GALNT3: variants seen among roughly 807,000 people sequenced by gnomAD.
GALNT3 encodes the protein GalNAc transferase 3.
A neutral mutation model predicts 69.8 loss-of-function variants in GALNT3; 51 were observed. The ratio of observed to expected loss-of-function variants is 0.73; its 90% CI spans 0.58 to 0.92. The LOEUF is 0.92. Ranked by LOEUF, GALNT3 falls within the 40% of genes least tolerant of loss-of-function variation. The pLI, the probability that GALNT3 is intolerant of heterozygous loss-of-function variation, is 0.00. For synonymous variants in GALNT3, 265 were observed against 248.5 expected (o/e 1.07, Z -0.63); for missense variants, 711 against 760.0 (o/e 0.94, Z 0.76).
intron 9 of GALNT3, among the ~76,000 whole-genome samples, chr2:165,753,754 T>A (rs1369877191): frequency 2.6e-5 from 4 of 152,234 alleles, no homozygotes; most frequent in Non-Finnish European, 1.5e-5. Context: ...ATATTTGACA[T>A]GTGAATCTTA....
At chr2:165,770,113 T>A in intron 2 of GALNT3, 73 bp downstream of exon 2, 1 of 1,563,052 alleles carries the variant, frequency 6.4e-7, no homozygotes. Context: ...AACAGATAAC[T>A]TCCTTAGCTC....
At chr2:165,763,846 A>C (rs904334929) in intron 3 of GALNT3, among the ~76,000 whole-genome samples, 5 of 152,124 alleles carry the variant, frequency 3.3e-5, no homozygotes, top group African/African-American at 1.2e-4. Context: ...CCCTGATTTC[A>C]CTTTATGGCA....
Position 165,765,033 on chromosome 2 carries a change from C to A in GALNT3, c.539G>T (p.Arg180Leu), listed in dbSNP as rs772410242. 15 of 1,613,930 alleles carry A rather than the reference C, an allele frequency of 9.3e-6. No individual in the cohort carries two copies. In the East Asian group the frequency reaches 2.0e-4, roughly 22 times the overall value. ...PPECIEQKFK[R>L]CPPLPTTSVI... ...ACTGGTGGTGGGCAGGGGAGGGCAG[C>A]GCTTAAATTTTTGTTCAATACATCT... is the stretch of plus-strand genomic sequence containing the variant. Residue 180 changes from arginine to leucine, a missense_variant, in exon 3 of 11, where the codon CGC becomes CTC. Arg to Leu is a moderately radical substitution (Grantham distance 102, BLOSUM62 -2). Coordinates refer to ENST00000392701, the MANE Select transcript of GALNT3 (RefSeq NM_004482.4).
chr2:165,769,989 C>T, intron 2 of GALNT3, 197 bp downstream of exon 2: 1 of 654,794 alleles, frequency 1.5e-6, no homozygotes, highest in Non-Finnish European at 2.7e-6. Flanking sequence ...CATATCTGCA[C>T]TGCCTCACCA....
In GALNT3 at chr2:165,770,535, T is replaced by A. The variant is rs779573886; in HGVS notation, c.166A>T (p.Met56Leu). The change falls in exon 2 of 11, where the codon ATG (methionine) becomes TTG (leucine). Residue 56 changes from methionine (M) to leucine (L), a missense_variant. Coordinates refer to ENST00000392701, the MANE Select transcript of GALNT3 (RefSeq NM_004482.4). ...SKEESRMERN[M>L]KNKNKMLDLM... ...TCCAACATCTTGTTTTTGTTTTTCA[T>A]GTTCCTTTCCATCCTTGATTCCTCT... 5 of 1,614,042 alleles carry A rather than the reference T, an allele frequency of 3.1e-6. No homozygotes were observed. Among genetic ancestry groups the A allele is most frequent in the Admixed American group, 1.7e-5 (1 of 60,002 alleles).
At chr2:165,769,639 C>A (rs1053668549) in intron 2 of GALNT3, among the ~76,000 whole-genome samples, 5 of 151,914 alleles carry the variant, frequency 3.3e-5, no homozygotes, top group African/African-American at 1.2e-4. Flanking sequence ...CCTGTAATCC[C>A]AGCTACTTGG....
rs71393694 is a variant in GALNT3, at chr2:165,761,617, GA to G, written c.838+287del. On this transcript the variant is annotated intron_variant, in intron 4 of 10. Transcript: ENST00000392701. ...TTTTTTTTAACAGAAAAGAAACATG[GA>G]AAAAAAAAAAAGAGGCAAGGATAAC... is the stretch of plus-strand genomic sequence containing the variant. The G allele has an allele frequency of 0.019, 9,988 of 528,752 alleles. 9 individuals are homozygous for G. The highest frequency in any genetic ancestry group is 0.024 in the African/African-American group (1,194 of 49,086). The allele number at this position is 528,752 out of a possible 1,614,324, so 32.8% of individuals were successfully genotyped here. A position where few individuals can be genotyped will look rare whatever the true frequency, so the allele number is the denominator to read the frequency against.
intron 5 of GALNT3, among the ~76,000 whole-genome samples, chr2:165,759,083 C>A (rs1375012127): frequency 6.6e-6 from 1 of 152,114 alleles, no homozygotes; most frequent in Non-Finnish European, 1.5e-5. Flanking sequence ...AATGTCTTCT[C>A]CTAACCATGC....
At chr2:165,777,696 A>G (rs1055689400) in intron 1 of GALNT3, among the ~76,000 whole-genome samples, 4 of 152,206 alleles carry the variant, frequency 2.6e-5, no homozygotes, top group African/African-American at 9.7e-5. Flanking sequence ...ATGTATGACA[A>G]GAGACAAACA....
At chr2:165,752,610 T>C (rs1688374402) in intron 9 of GALNT3, among the ~76,000 whole-genome samples, 1 of 152,182 alleles carries the variant, frequency 6.6e-6, no homozygotes, top group African/African-American at 2.4e-5. Context: ...AAAGCTGTTA[T>C]TATCTTTATG....
intron 6 of GALNT3, among the ~76,000 whole-genome samples, chr2:165,757,936 A>G (rs914034730): frequency 3.7e-4 from 56 of 152,220 alleles, no homozygotes; most frequent in African/African-American, 1.3e-3. Context: ...AAAATAAGTC[A>G]TATTTAATAC....
In GALNT3 at chr2:165,757,148, C is replaced by T; in HGVS notation, c.1291G>A (p.Val431Met). 1.2e-6 allele frequency: 2 copies of T among 1,614,096 alleles called. No homozygotes were observed. Among genetic ancestry groups the T allele is most frequent in the South Asian group, 2.2e-5 (2 of 91,082 alleles). Residue 431 changes from valine (V) to methionine (M), a missense_variant, in exon 7 of 11, where the codon GTG becomes ATG. By Grantham distance (21) the Val-to-Met change is conservative (BLOSUM62 1). Transcript: ENST00000392701. ...AGGCGAACTTGGTTTCTAGCAATCA[C>T]CTGAGTGCCTTTTGGAAAGCTATGA... ...SPHSFPKGTQ[V>M]IARNQVRLAE...
intron 1 of GALNT3, among the ~76,000 whole-genome samples, chr2:165,788,094 C>A (rs1008974182): frequency 1.3e-5 from 2 of 151,872 alleles, no homozygotes; most frequent in Non-Finnish European, 1.5e-5. Flanking sequence ...TTTGGGAGGC[C>A]GAGGCGGGAG....
chr2:165,765,025 G>T lies in GALNT3; in HGVS notation c.547C>A (p.Pro183Thr). The change falls in exon 3 of 11, where the codon CCC becomes ACC. Residue 183 changes from proline to threonine, a missense_variant. Transcript: ENST00000392701. ...CIEQKFKRCP[P>T]LPTTSVIIVF... ...ATTATGACACTGGTGGTGGGCAGGGGAGGGCAGCGCTTAAATTTTTGTTCA... is the reference window on the plus strand; with the variant it reads ...ATTATGACACTGGTGGTGGGCAGGGTAGGGCAGCGCTTAAATTTTTGTTCA... 6.2e-7 allele frequency: 1 copy of T among 1,614,192 alleles called. No individual in the cohort carries two copies. Among genetic ancestry groups the T allele is most frequent in the Non-Finnish European group, 8.5e-7 (1 of 1,180,028 alleles).
At chr2:165,754,750 A>G (rs1193366882) in intron 8 of GALNT3, 22 bp from the exon 9 acceptor site, 17 of 1,572,412 alleles carry the variant, frequency 1.1e-5, no homozygotes, top group Non-Finnish European at 1.5e-5. Flanking sequence ...TTTTCAAGTT[A>G]TGAAAAGTTT....
At chr2:165,754,579 G>C (rs1468412946) in intron 9 of GALNT3, 48 bp downstream of exon 9, 1 of 1,323,664 alleles carries the variant, frequency 7.6e-7, no homozygotes, top group Non-Finnish European at 1.1e-6. Context: ...CATCTCACTT[G>C]TGCTTGTAAA....
intron 10 of GALNT3, 99 bp from the exon 11 acceptor site, chr2:165,749,002 G>A: frequency 1.6e-6 from 2 of 1,267,244 alleles, no homozygotes; most frequent in Non-Finnish European, 2.2e-6. Flanking sequence ...AAACCTAATA[G>A]CAAATCTTTC....
intron 1 of GALNT3, among the ~76,000 whole-genome samples, chr2:165,781,668 TG>T (rs1683114473): frequency 6.6e-6 from 1 of 152,148 alleles, no homozygotes; most frequent in Non-Finnish European, 1.5e-5. Context: ...GCTGAATTTT[TG>T]TGGGGCTGAT....
In GALNT3 at chr2:165,748,871, C is replaced by T. The variant is rs142817583; in HGVS notation, c.1812G>A (p.Met604Ile). ...GATGCTCTCCATTTGCTGAAAGGCA[C>T]ATTTTTAAGAATGGATTGTATAGAA... ...DQLLYNPFLK[M>I]CLSANGEHPS... The change falls in exon 11 of 11, where the codon ATG becomes ATA. Residue 604 changes from methionine to isoleucine, a missense_variant. Coordinates refer to ENST00000392701, the MANE Select transcript of GALNT3 (RefSeq NM_004482.4). The T allele has an allele frequency of 2.0e-5, 33 of 1,610,864 alleles. No individual in the cohort carries two copies. The African/African-American group carries it at 4.0e-4, about 20-fold the overall frequency.
Sources: gnomAD v4.1 joint callset for allele counts (sites outside exome capture counted in the v4.1 genomes callset) on GRCh38, gnomAD v4.1.1 for gene constraint, MANE v1.5 for transcripts, NCBI Gene and HGNC (gene_info 2026-07-23, HGNC 2026-07-21) for gene names.